PTCSC3: variants seen among roughly 807,000 people sequenced by gnomAD.
The protein encoded by PTCSC3 is papillary thyroid carcinoma susceptibility candidate 3.
rs180728854 is a variant in PTCSC3 at position 36,164,778 on chromosome 14, T to G, written n.172-2095A>C. 2.4e-3 allele frequency among the ~76,000 whole-genome samples: 366 copies of G among 152,316 alleles called. 1 individual carries two copies. The highest frequency in any genetic ancestry group is 0.01 in the Middle Eastern group (3 of 294). On this transcript the variant is annotated intron_variant and non_coding_transcript_variant, in intron 1 of 3. Transcript: ENST00000556013. ...AGACATCAGAACCATTTTTACAATATAAATACACTGGAAGGAAGAGATTCC... is the reference window on the plus strand; with the variant it reads ...AGACATCAGAACCATTTTTACAATAGAAATACACTGGAAGGAAGAGATTCC...
At chr14:36,152,463 CA>C (rs997147526) in intron 3 of PTCSC3, among the ~76,000 whole-genome samples, 5 of 150,798 alleles carry the variant, frequency 3.3e-5, no homozygotes, top group Admixed American at 6.6e-5. Context: ...GAGATCCCAT[CA>C]AAAAAAGGCA....
intron 1 of PTCSC3, among the ~76,000 whole-genome samples, chr14:36,172,736 G>A (rs1274117960): frequency 6.6e-6 from 1 of 151,960 alleles, no homozygotes; most frequent in East Asian, 1.9e-4. Flanking sequence ...CCATTGTCTG[G>A]TTGGTCTAAT....
chr14:36,148,504 G>A (rs2415318), intron 3 of PTCSC3, among the ~76,000 whole-genome samples: 7,385 of 152,284 alleles, frequency 0.048, 277 homozygotes, highest in South Asian at 0.22. Flanking sequence ...GTGATGCAAT[G>A]CCTCGCCCTG....
intron 2 of PTCSC3, among the ~76,000 whole-genome samples, chr14:36,156,964 T>C (rs1881842699): frequency 6.6e-6 from 1 of 152,174 alleles, no homozygotes; most frequent in Non-Finnish European, 1.5e-5. Context: ...GTATTTCTGG[T>C]TCTAGCTCCT....
intron 3 of PTCSC3, among the ~76,000 whole-genome samples, chr14:36,139,566 C>A (rs896589705): frequency 1.3e-5 from 2 of 152,100 alleles, no homozygotes; most frequent in Non-Finnish European, 2.9e-5. Flanking sequence ...GCTACCCCCC[C>A]AATACACACA....
At chr14:36,171,473 GA>G (rs1882191928) in intron 1 of PTCSC3, among the ~76,000 whole-genome samples, 2 of 152,158 alleles carry the variant, frequency 1.3e-5, no homozygotes, top group Admixed American at 1.3e-4. Flanking sequence ...GTATGAGGAA[GA>G]AAAATGTAAA....
intron 3 of PTCSC3, among the ~76,000 whole-genome samples, chr14:36,140,003 C>T (rs1345820433): frequency 3.3e-5 from 5 of 152,206 alleles, no homozygotes; most frequent in Admixed American, 3.3e-4. Flanking sequence ...CCATCACCCT[C>T]CAAGAATCCA....
intron 2 of PTCSC3, among the ~76,000 whole-genome samples, chr14:36,158,877 T>C (rs1881886296): frequency 1.3e-5 from 2 of 152,204 alleles, no homozygotes; most frequent in South Asian, 4.1e-4. Context: ...TGAATCCATC[T>C]AGTCCTTGAA....
intron 3 of PTCSC3, among the ~76,000 whole-genome samples, chr14:36,153,091 A>ATGAT (rs1161883458): frequency 6.6e-6 from 1 of 152,136 alleles, no homozygotes; most frequent in Admixed American, 6.5e-5. Flanking sequence ...GGATTCCAGC[A>ATGAT]TGATTGTGTT....
At chr14:36,141,039 G>A (rs965439781) in intron 3 of PTCSC3, among the ~76,000 whole-genome samples, 4 of 152,150 alleles carry the variant, frequency 2.6e-5, no homozygotes, top group African/African-American at 7.2e-5. Context: ...TCAGTTGACT[G>A]TATTTGTGTG....
intron 3 of PTCSC3, among the ~76,000 whole-genome samples, chr14:36,151,285 C>T (rs185525440): frequency 8.3e-4 from 126 of 151,858 alleles, no homozygotes; most frequent in African/African-American, 2.9e-3. Flanking sequence ...AGGTATTACC[C>T]CCCCGCCCCT....
chr14:36,162,070 G>A (rs1176954269), intron 2 of PTCSC3, among the ~76,000 whole-genome samples: 18 of 151,974 alleles, frequency 1.2e-4, no homozygotes, highest in Admixed American at 1.2e-3. Context: ...CACCAAGCTC[G>A]AGTGTCCCAG....
chr14:36,152,230 T>C (rs747718023), intron 3 of PTCSC3, among the ~76,000 whole-genome samples: 4 of 151,748 alleles, frequency 2.6e-5, no homozygotes, highest in Non-Finnish European at 4.4e-5. Flanking sequence ...GGTAAAAAAA[T>C]GCTAAAGAAA....
At chr14:36,142,922 A>C (rs985214528) in intron 3 of PTCSC3, among the ~76,000 whole-genome samples, 3 of 150,762 alleles carry the variant, frequency 2.0e-5, no homozygotes, top group South Asian at 2.1e-4. Flanking sequence ...GTTTTTTGTT[A>C]TTGCGATAGT....
chr14:36,142,441 T>C (rs1204271191), intron 3 of PTCSC3, among the ~76,000 whole-genome samples: 1 of 152,190 alleles, frequency 6.6e-6, no homozygotes, highest in East Asian at 1.9e-4. Context: ...ACATGATTTT[T>C]CTTTCTTGCA....
chr14:36,146,385 C>A (rs1038176318), intron 3 of PTCSC3, among the ~76,000 whole-genome samples: 1 of 150,686 alleles, frequency 6.6e-6, no homozygotes, highest in Non-Finnish European at 1.5e-5. Flanking sequence ...GTTAGCTCTT[C>A]TTGTTGAATT....
chr14:36,150,851 C>CTAT (rs1345067327), intron 3 of PTCSC3, among the ~76,000 whole-genome samples: 1 of 152,050 alleles, frequency 6.6e-6, no homozygotes, highest in Admixed American at 6.6e-5. Flanking sequence ...TGCATTTATT[C>CTAT]TATTTATTCG....
intron 2 of PTCSC3, among the ~76,000 whole-genome samples, chr14:36,160,949 T>A (rs186493983): frequency 1.2e-4 from 18 of 152,310 alleles, no homozygotes; most frequent in Non-Finnish European, 2.5e-4. Flanking sequence ...TTTAATTTTG[T>A]CTTCATGCTT....
At chr14:36,143,858 G>T (rs61996564) in intron 3 of PTCSC3, among the ~76,000 whole-genome samples, 1 of 148,160 alleles carries the variant, frequency 6.7e-6, no homozygotes, top group South Asian at 2.2e-4. Context: ...AAGGGATCCA[G>T]TTTCAGCTTT....
Sources: gnomAD v4.1 joint callset for allele counts (sites outside exome capture counted in the v4.1 genomes callset) on GRCh38, gnomAD v4.1.1 for gene constraint, MANE v1.5 for transcripts, NCBI Gene and HGNC (gene_info 2026-07-23, HGNC 2026-07-21) for gene names.